WFDC13: variants seen among roughly 807,000 people sequenced by gnomAD.
WFDC13 encodes WAP four-disulfide core domain 13.
WFDC13 carries 6 observed loss-of-function variants against 10.9 expected under a neutral mutation model. The ratio of observed to expected loss-of-function variants is 0.55; its 90% CI spans 0.30 to 1.09. The LOEUF is 1.09. Among genes scored for constraint, WFDC13 ranks in the 50% least tolerant of loss-of-function variants. The pLI is 0.06. For synonymous variants in WFDC13, 38 were observed against 39.5 expected (o/e 0.96, Z 0.14); for missense variants, 104 against 109.6 (o/e 0.95, Z 0.23).
chr20:45,704,499 G>A lies in WFDC13; in HGVS notation c.144G>A (p.Leu48=). The change falls in exon 2 of 4, where the codon CTG becomes CTA. Residue 48 remains leucine (L), a synonymous_variant. Transcript: ENST00000305479. Reference sequence around the variant, plus strand: ...CAGCACCTGAAAACTGTACTCACCTGTGTACAATGCAGGAAGATTGCGAGA... The same window carrying A: ...CAGCACCTGAAAACTGTACTCACCTATGTACAATGCAGGAAGATTGCGAGA... ...CISAPENCTH[L]CTMQEDCEKG... is the part of the protein sequence containing the mutation. 6.2e-7 allele frequency: 1 copy of A among 1,614,158 alleles called. No homozygotes were observed.
intron 2 of WFDC13, 93 bp downstream of exon 2, chr20:45,704,687 CTTT>C (rs11361717): frequency 5.8e-4 from 772 of 1,327,550 alleles, no homozygotes; most frequent in South Asian, 1.7e-3. Flanking sequence ...TGGATCTCTC[CTTT>C]TTTTTTTTTT....
At position 45,704,847 on chromosome 20, in the gene WFDC13, C is replaced by T. The variant is rs951315621; in HGVS notation, c.239+253C>T. On this transcript the variant is annotated intron_variant, in intron 2 of 3. Transcript: ENST00000305479. ...ATTTCTGACTCTGCCTCTCTGAACACACCCACAAATGCCTTTATCCACAGA... is the reference window on the plus strand; with the variant it reads ...ATTTCTGACTCTGCCTCTCTGAACATACCCACAAATGCCTTTATCCACAGA... 14 of 1,510,074 alleles carry T rather than the reference C, an allele frequency of 9.3e-6. 1 individual carries two copies. The highest frequency in any genetic ancestry group is 1.8e-4 in the Middle Eastern group (1 of 5,536). The allele number at this position is 1,510,074 out of a possible 1,614,324, so 93.5% of individuals were successfully genotyped here.
At chr20:45,702,256 A>G (rs771097394) in intron 1 of WFDC13, 45 bp downstream of exon 1, 3 of 1,565,430 alleles carry the variant, frequency 1.9e-6, no homozygotes, top group Non-Finnish European at 2.6e-6. Context: ...ACATGTGTGG[A>G]TAGGAGAGGA....
chr20:45,708,756 T>C lies in WFDC13; in HGVS notation c.*921T>C, dbSNP rs1037199998. The C allele has an allele frequency of 6.6e-6, 1 of 152,248 alleles. No individual in the cohort carries two copies. Among genetic ancestry groups the C allele is most frequent in the Non-Finnish European group, 1.5e-5 (1 of 68,052 alleles). 9.4% of individuals were successfully genotyped at this position (152,248 alleles called of 1,614,324 possible). On this transcript the variant is annotated 3_prime_UTR_variant, in exon 4 of 4. Transcript: ENST00000305479. ...ATTTGATATATTCGTAAGCTTTTGTTAAGTTTGTAATTTGTTGCAATTTCT... is the reference window on the plus strand; with the variant it reads ...ATTTGATATATTCGTAAGCTTTTGTCAAGTTTGTAATTTGTTGCAATTTCT...
Position 45,702,157 on chromosome 20 carries a change from G to T in WFDC13, c.34G>T (p.Val12Leu). The T allele has an allele frequency of 6.2e-7, 1 of 1,613,508 alleles. No homozygotes were observed. The highest frequency in any genetic ancestry group is 8.5e-7 in the Non-Finnish European group (1 of 1,179,822). ...TGTGCTGCCTCTCCAGTTCCTGGTG[G>T]TGTTCTGCCTAGCACTGCAGCTGGT... ...KPVLPLQFLV[V>L]FCLALQLVPG... The change falls in exon 1 of 4, where the codon GTG (valine) becomes TTG (leucine). Residue 12 changes from valine to leucine, a missense_variant. By Grantham distance (32) the Val-to-Leu change is conservative. Coordinates refer to ENST00000305479, the MANE Select transcript of WFDC13 (RefSeq NM_172005.2).
At position 45,708,214 on chromosome 20, in the gene WFDC13, T is replaced by C. The variant is rs1984471533; in HGVS notation, c.*379T>C. 1 of 152,224 alleles carries C rather than the reference T, an allele frequency of 6.6e-6. No homozygotes were observed. The highest frequency in any genetic ancestry group is 1.5e-5 in the Non-Finnish European group (1 of 68,064). 9.4% of individuals were successfully genotyped at this position (152,224 alleles called of 1,614,324 possible). A position where few individuals can be genotyped will look rare whatever the true frequency, so the allele number is the denominator to read the frequency against. On this transcript the variant is annotated 3_prime_UTR_variant, in exon 4 of 4. Transcript: ENST00000305479. Reference sequence around the variant, plus strand: ...CTGCCCTTGGTTGCACTCATCAGGCTAATTGATCCCATATTTAACCTCAAG... The same window carrying C: ...CTGCCCTTGGTTGCACTCATCAGGCCAATTGATCCCATATTTAACCTCAAG...
chr20:45,703,325 C>A (rs1303882150), intron 1 of WFDC13, among the ~76,000 whole-genome samples: 1 of 152,164 alleles, frequency 6.6e-6, no homozygotes, highest in Non-Finnish European at 1.5e-5. Flanking sequence ...AGTTATTGGT[C>A]TCTGTTAAAT....
At chr20:45,702,247 CAT>C (rs750379478) in intron 1 of WFDC13, 36 bp downstream of exon 1, 74 of 1,586,788 alleles carry the variant, frequency 4.7e-5, no homozygotes, top group African/African-American at 6.7e-5. Context: ...AGGGAAGTAA[CAT>C]GTGTGGATAG....
Position 45,705,935 on chromosome 20 carries a change from C to G in WFDC13, c.*22+8C>G. 3 of 1,613,128 alleles carry G rather than the reference C, an allele frequency of 1.9e-6. No homozygotes were observed. Among genetic ancestry groups the G allele is most frequent in the Non-Finnish European group, 2.5e-6 (3 of 1,179,296 alleles). ...TATTTCCTAGATCATTTTGTAAGTA[C>G]AGGGATTTGGTCTCGCCTTCCTCAT... On this transcript the variant is annotated splice_region_variant and intron_variant, in intron 3 of 3. Transcript: ENST00000305479.
At chr20:45,706,816 T>G (rs1984410981) in intron 3 of WFDC13, among the ~76,000 whole-genome samples, 1 of 151,980 alleles carries the variant, frequency 6.6e-6, no homozygotes, top group African/African-American at 2.4e-5. Flanking sequence ...ATTATTTTAC[T>G]GATGCTTCAA....
In WFDC13 at chr20:45,707,895, G is replaced by A. The variant is rs1458841088; in HGVS notation, c.*60G>A. 7 of 152,196 alleles carry A rather than the reference G, an allele frequency of 4.6e-5. No individual in the cohort carries two copies. The highest frequency in any genetic ancestry group is 7.3e-5 in the Non-Finnish European group (5 of 68,040). The allele number at this position is 152,196 out of a possible 1,614,324, so 9.4% of individuals were successfully genotyped here. A position where few individuals can be genotyped will look rare whatever the true frequency, so the allele number is the denominator to read the frequency against. ...TTTTTTCTTGGTCCACCTTTAGGAA[G>A]GTATTGAGAAGCAAGAAACTGGAGG... On this transcript the variant is annotated 3_prime_UTR_variant, in exon 4 of 4. Transcript: ENST00000305479.
chr20:45,705,937 G>C lies in WFDC13; in HGVS notation c.*22+10G>C. 1 of 1,613,002 alleles carries C rather than the reference G, an allele frequency of 6.2e-7. No individual in the cohort carries two copies. Among genetic ancestry groups the C allele is most frequent in the Non-Finnish European group, 8.5e-7 (1 of 1,179,228 alleles). On this transcript the variant is annotated intron_variant, in intron 3 of 3. Transcript: ENST00000305479. ...TTTCCTAGATCATTTTGTAAGTACA[G>C]GGATTTGGTCTCGCCTTCCTCATGT...
chr20:45,705,913 T>C lies in WFDC13; in HGVS notation c.*8T>C, dbSNP rs1279511613. The C allele has an allele frequency of 1.2e-6, 2 of 1,614,060 alleles. No homozygotes were observed. Among genetic ancestry groups the C allele is most frequent in the Admixed American group, 1.7e-5 (1 of 60,018 alleles). ...ATCATGCCTGCCAACTGAGGCATATTTCCTAGATCATTTTGTAAGTACAGG... is the reference window on the plus strand; with the variant it reads ...ATCATGCCTGCCAACTGAGGCATATCTCCTAGATCATTTTGTAAGTACAGG... On this transcript the variant is annotated 3_prime_UTR_variant, in exon 3 of 4. Transcript: ENST00000305479.
Position 45,707,274 on chromosome 20 carries a change from G to C in WFDC13, c.*23-584G>C, listed in dbSNP as rs372214008. Among the ~76,000 whole-genome samples, 10 of 152,268 alleles carry C rather than the reference G, an allele frequency of 6.6e-5. No individual in the cohort carries two copies. In the East Asian group the frequency reaches 1.3e-3, roughly 21 times the overall value. ...CCTAGTGACCCCTGATCCAGGGCAG[G>C]AAATACTGTTCAGAAAAATCTATAG... On this transcript the variant is annotated intron_variant, in intron 3 of 3. Coordinates refer to ENST00000305479, the MANE Select transcript of WFDC13 (RefSeq NM_172005.2).
At position 45,702,201 on chromosome 20, in the gene WFDC13, G is replaced by A; in HGVS notation, c.78G>A (p.Gln26=). ...ALQLVPGSPK[Q]RVLKYILEPP... Reference sequence around the variant, plus strand: ...AGCTGGTGCCTGGGAGTCCCAAGCAGCGTGTTCTGAGTAGGTGCTGGATCT... The same window carrying A: ...AGCTGGTGCCTGGGAGTCCCAAGCAACGTGTTCTGAGTAGGTGCTGGATCT... The change falls in exon 1 of 4, where the codon CAG becomes CAA. Residue 26 remains glutamine, a synonymous_variant. Coordinates refer to ENST00000305479, the MANE Select transcript of WFDC13 (RefSeq NM_172005.2). 1.9e-6 allele frequency: 3 copies of A among 1,612,328 alleles called. No individual in the cohort carries two copies. Among genetic ancestry groups the A allele is most frequent in the Non-Finnish European group, 2.5e-6 (3 of 1,179,316 alleles).
intron 2 of WFDC13, chr20:45,705,032 CA>C (rs778774785): frequency 6.2e-7 from 1 of 1,601,866 alleles, no homozygotes; most frequent in African/African-American, 1.3e-5. Context: ...AGATCCAGCC[CA>C]AAGGAAGTTT....
intron 3 of WFDC13, among the ~76,000 whole-genome samples, chr20:45,707,614 T>A (rs1449546591): frequency 6.6e-6 from 1 of 152,150 alleles, no homozygotes; most frequent in African/African-American, 2.4e-5. Context: ...TTAAGCTACA[T>A]AAAGCTGATG....
intron 1 of WFDC13, 32 bp downstream of exon 1, chr20:45,702,243 G>C: frequency 6.3e-7 from 1 of 1,588,464 alleles, no homozygotes; most frequent in Non-Finnish European, 8.6e-7. Context: ...AAGGAGGGAA[G>C]TAACATGTGT....
chr20:45,704,692 T>G, intron 2 of WFDC13, 98 bp downstream of exon 2: 1 of 1,512,776 alleles, frequency 6.6e-7, no homozygotes, highest in Non-Finnish European at 8.8e-7. Flanking sequence ...CTCTCCTTTT[T>G]TTTTTTTTTC....
Sources: allele counts gnomAD v4.1 joint callset (sites outside exome capture counted in the v4.1 genomes callset), GRCh38; gene constraint gnomAD v4.1.1; transcripts MANE v1.5; gene names NCBI Gene and HGNC (gene_info 2026-07-23, HGNC 2026-07-21).